The following CORIN variants were observed in gnomAD, a reference collection of about 807,000 sequenced individuals.
The protein encoded by CORIN is corin, serine peptidase, also known as atrial natriuretic peptide-converting enzyme.
CORIN carries 117 observed loss-of-function variants against 125.3 expected under a neutral mutation model. That is an observed-to-expected ratio of 0.93 (90% CI 0.80 to 1.09). The LOEUF (loss-of-function observed/expected upper bound fraction) is 1.09, where lower values mean the gene tolerates loss of function less well. Ranked by LOEUF, CORIN falls within the 50% of genes least tolerant of loss-of-function variation. The pLI is 0.00. For synonymous variants in CORIN, 450 were observed against 466.4 expected, an observed-to-expected ratio of 0.96 and a Z score of 0.45; for missense variants, 1,253 against 1,306.7, an observed-to-expected ratio of 0.96 and a Z score of 0.63.
chr4:47,618,242 G>A (rs1204979905), intron 19 of CORIN, among the ~76,000 whole-genome samples: 3 of 151,462 alleles, frequency 2.0e-5, no homozygotes, highest in Non-Finnish European at 4.4e-5. Flanking sequence ...GCTGAGGCAG[G>A]AGAATGGCTT....
chr4:47,652,152 A>G (rs1402841133), intron 13 of CORIN, among the ~76,000 whole-genome samples: 1 of 152,224 alleles, frequency 6.6e-6, no homozygotes, highest in Non-Finnish European at 1.5e-5. Flanking sequence ...TTTACAAAAC[A>G]AAAAACCACA....
At chr4:47,678,176 A>G (rs1725114378) in intron 8 of CORIN, 122 bp from the exon 9 acceptor site, 9 of 709,860 alleles carry the variant, frequency 1.3e-5, no homozygotes, top group Non-Finnish European at 2.3e-5. Flanking sequence ...GCACACACAA[A>G]TGAACATATC....
intron 6 of CORIN, among the ~76,000 whole-genome samples, chr4:47,690,133 C>T (rs575039075): frequency 1.3e-5 from 2 of 152,272 alleles, no homozygotes; most frequent in South Asian, 4.1e-4. Context: ...AAACAATTAC[C>T]TCTGAAAGCC....
At chr4:47,790,089 C>A (rs1731005798) in intron 2 of CORIN, 4 of 313,998 alleles carry the variant, frequency 1.3e-5, no homozygotes, top group Non-Finnish European at 1.8e-5. Context: ...TCTAATACTG[C>A]CTCATTCTTT....
chr4:47,733,213 T>C (rs1010004256), intron 5 of CORIN, among the ~76,000 whole-genome samples: 1 of 152,198 alleles, frequency 6.6e-6, no homozygotes, highest in African/African-American at 2.4e-5. Flanking sequence ...ACTTAGGTAT[T>C]ATTATTTCTA....
chr4:47,639,987 C>G (rs1001516062), intron 16 of CORIN, among the ~76,000 whole-genome samples: 1 of 141,810 alleles, frequency 7.1e-6, no homozygotes, highest in Non-Finnish European at 1.6e-5. Flanking sequence ...GACTTATCAC[C>G]ACTTACCCAT....
intron 8 of CORIN, among the ~76,000 whole-genome samples, chr4:47,678,892 T>C (rs1021007365): frequency 2.0e-5 from 3 of 152,234 alleles, no homozygotes; most frequent in African/African-American, 7.2e-5. Flanking sequence ...TGTTCCACTG[T>C]GTCCACTAGG....
intron 5 of CORIN, among the ~76,000 whole-genome samples, chr4:47,704,778 T>C (rs532785412): frequency 9.9e-5 from 15 of 152,064 alleles, no homozygotes; most frequent in Admixed American, 2.0e-4. Flanking sequence ...GATATGTCAG[T>C]GGTGGAGGGT....
At chr4:47,808,412 G>T (rs936775245) in intron 1 of CORIN, among the ~76,000 whole-genome samples, 4 of 152,086 alleles carry the variant, frequency 2.6e-5, no homozygotes, top group Admixed American at 2.6e-4. Flanking sequence ...AATTTTGAAG[G>T]GTTCTTCTGA....
At chr4:47,620,554 A>C (rs1000295071) in intron 19 of CORIN, among the ~76,000 whole-genome samples, 2 of 152,148 alleles carry the variant, frequency 1.3e-5, no homozygotes, top group African/African-American at 4.8e-5. Context: ...GAATATTCAT[A>C]ATGCACTAAC....
intron 12 of CORIN, among the ~76,000 whole-genome samples, chr4:47,658,507 G>A (rs1264992366): frequency 2.0e-5 from 3 of 152,266 alleles, no homozygotes; most frequent in African/African-American, 7.2e-5. Context: ...GGGACTCTGT[G>A]TGGGGGCTCC....
rs551317528 is a variant in CORIN, at chr4:47,722,510, T to C, written c.799+21892A>G. ...TCTGGAGTTCCAAACACATAGACAA[T>C]TTAAAATATCTTCCATCTTGCTATC... On this transcript the variant is annotated intron_variant, in intron 5 of 21. Transcript: ENST00000273857. 3.9e-5 allele frequency among the ~76,000 whole-genome samples: 6 copies of C among 152,272 alleles called. No homozygotes were observed. In the South Asian group the frequency reaches 1.0e-3, roughly 26 times the overall value.
At chr4:47,683,887 C>G in intron 6 of CORIN, 49 bp from the exon 7 acceptor site, 2 of 1,358,696 alleles carry the variant, frequency 1.5e-6, no homozygotes, top group Non-Finnish European at 2.1e-6. Context: ...ATACAGAATG[C>G]TATTGTAGTA....
intron 11 of CORIN, among the ~76,000 whole-genome samples, chr4:47,663,626 T>C (rs1015122816): frequency 6.6e-6 from 1 of 152,152 alleles, no homozygotes; most frequent in Non-Finnish European, 1.5e-5. Flanking sequence ...TGGATATAAA[T>C]TCACATTTAT....
At chr4:47,702,067 G>A (rs1726319009) in intron 5 of CORIN, among the ~76,000 whole-genome samples, 1 of 152,020 alleles carries the variant, frequency 6.6e-6, no homozygotes, top group Admixed American at 6.6e-5. Context: ...TAGGTTTCTT[G>A]GGAGGTGCTA....
At chr4:47,625,287 A>G (rs1023291798) in intron 17 of CORIN, among the ~76,000 whole-genome samples, 2 of 152,298 alleles carry the variant, frequency 1.3e-5, no homozygotes, top group Middle Eastern at 3.4e-3. Flanking sequence ...TTGAAAACAC[A>G]TAGCTCTTAG....
intron 2 of CORIN, among the ~76,000 whole-genome samples, chr4:47,792,932 A>G (rs923180826): frequency 1.4e-4 from 22 of 152,194 alleles, no homozygotes; most frequent in African/African-American, 5.3e-4. Flanking sequence ...GTAAATCACC[A>G]GTATTGGGGG....
intron 6 of CORIN, among the ~76,000 whole-genome samples, chr4:47,688,835 T>C (rs1183865071): frequency 6.6e-6 from 1 of 152,260 alleles, no homozygotes; most frequent in Non-Finnish European, 1.5e-5. Context: ...AAACATTTAG[T>C]ACTTCTTCCA....
In CORIN at chr4:47,754,675, G is replaced by A. The variant is rs115649905; in HGVS notation, c.617+8704C>T. On this transcript the variant is annotated intron_variant, in intron 4 of 21. Coordinates refer to ENST00000273857, the MANE Select transcript of CORIN (RefSeq NM_006587.4). ...AGCAGATGACCTGGCTCCTCCCCAG[G>A]GTGATACTCTTTAAATATTTGTTTA... is the stretch of plus-strand genomic sequence containing the variant. Among the ~76,000 whole-genome samples, 916 of 151,860 alleles carry A rather than the reference G, an allele frequency of 6.0e-3. 9 individuals carry two copies. The highest frequency in any genetic ancestry group is 0.021 in the African/African-American group (854 of 41,406).
Sources: gnomAD v4.1 joint callset for allele counts (sites outside exome capture counted in the v4.1 genomes callset) on GRCh38, gnomAD v4.1.1 for gene constraint, MANE v1.5 for transcripts, NCBI Gene and HGNC (gene_info 2026-07-23, HGNC 2026-07-21) for gene names.